The following HNF4A variants were observed in gnomAD, a reference collection of about 807,000 sequenced individuals.
HNF4A encodes hepatocyte nuclear factor 4 alpha.
A neutral mutation model predicts 52.4 loss-of-function variants in HNF4A; 15 were observed. The observed-to-expected ratio is 0.29, with a 90% confidence interval of 0.19 to 0.44. The LOEUF (loss-of-function observed/expected upper bound fraction) is 0.44, where lower values mean the gene tolerates loss of function less well. Ranked by LOEUF, HNF4A falls within the 20% of genes least tolerant of loss-of-function variation. The pLI, the probability that HNF4A is intolerant of heterozygous loss-of-function variation, is 1.00. For missense variants in HNF4A, 479 were observed against 647.2 expected (o/e 0.74, Z 2.82); for synonymous variants, 280 against 264.4 (o/e 1.06, Z -0.57).
chr20:44,424,747 G>A (rs2063796185), intron 8 of HNF4A: 2 of 407,632 alleles, frequency 4.9e-6, no homozygotes, highest in Non-Finnish European at 8.1e-6. Context: ...GGAAATGGAA[G>A]GCTTAAAAGA....
rs1349603952 is a variant in HNF4A, at chr20:44,428,418, GCCAACACAATGC to G, written c.1217_1228del (p.Asn406_Pro409del). ...ACATATGGGAACCAACGTCATCGTT[GCCAACACAATGC>G]CCACTCACCTCAGCAACGGACAGAT... On this transcript the variant is annotated inframe_deletion, in exon 9 of 10. Transcript: ENST00000316099. 7 of 1,614,184 alleles carry G rather than the reference GCCAACACAATGC, an allele frequency of 4.3e-6. No individual in the cohort carries two copies. The highest frequency in any genetic ancestry group is 5.9e-6 in the Non-Finnish European group (7 of 1,180,012).
At chr20:44,418,329 G>T in intron 5 of HNF4A, 96 bp from the exon 6 acceptor site, 1 of 904,620 alleles carries the variant, frequency 1.1e-6, no homozygotes. Flanking sequence ...AGAGGCAGAG[G>T]GGAGCATTAA....
At position 44,406,203 on chromosome 20, in the gene HNF4A, C is replaced by T. The variant is rs1008906897; in HGVS notation, c.261C>T (p.Ser87=). 15 of 1,613,680 alleles carry T rather than the reference C, an allele frequency of 9.3e-6. No individual in the cohort carries two copies. Among genetic ancestry groups the T allele is most frequent in the Admixed American group, 1.7e-5 (1 of 60,014 alleles). Reference sequence around the variant, plus strand: ...GCTGCAAGGGCTTCTTCCGGAGGAGCGTGCGGAAGAACCACATGTACTCCT... The same window carrying T: ...GCTGCAAGGGCTTCTTCCGGAGGAGTGTGCGGAAGAACCACATGTACTCCT... Residue 87 remains serine (S), a synonymous_variant, in exon 2 of 10, where the codon AGC becomes AGT. Transcript: ENST00000316099.
intron 1 of HNF4A, among the ~76,000 whole-genome samples, chr20:44,382,249 T>TTTCTTTCTTTCTTTC (rs1568700527): frequency 6.7e-6 from 1 of 149,238 alleles, no homozygotes; most frequent in East Asian, 2.0e-4. Context: ...TTCTTTCTTT[T>TTTCTTTCTTTCTTTC]TTTTTTTTGA....
intron 1 of HNF4A, among the ~76,000 whole-genome samples, chr20:44,381,162 G>A (rs2063148314): frequency 6.6e-6 from 1 of 152,030 alleles, no homozygotes; most frequent in Non-Finnish European, 1.5e-5. Flanking sequence ...AGCTTTTCCT[G>A]TGGTAGAACA....
intron 1 of HNF4A, among the ~76,000 whole-genome samples, chr20:44,390,891 G>A (rs1024113699): frequency 2.6e-5 from 4 of 152,234 alleles, no homozygotes; most frequent in Non-Finnish European, 4.4e-5. Flanking sequence ...GAGGAGCCCC[G>A]TAGAGTATTA....
intron 8 of HNF4A, among the ~76,000 whole-genome samples, chr20:44,426,491 T>C (rs984892062): frequency 6.6e-6 from 1 of 152,036 alleles, no homozygotes; most frequent in African/African-American, 2.4e-5. Flanking sequence ...TCATGGAGTC[T>C]GGGCTGCACT....
At chr20:44,372,047 A>G (rs1350260827) in intron 1 of HNF4A, among the ~76,000 whole-genome samples, 1 of 152,148 alleles carries the variant, frequency 6.6e-6, no homozygotes, top group Non-Finnish European at 1.5e-5. Flanking sequence ...GGAACGTGTG[A>G]ACTTTGCTCA....
upstream of HNF4A, among the ~76,000 whole-genome samples, chr20:44,400,829 G>A (rs1210873510): frequency 2.0e-5 from 3 of 152,276 alleles, no homozygotes; most frequent in East Asian, 1.9e-4. Context: ...TTTCTAAATC[G>A]TGGGCCATGG....
At position 44,418,493 on chromosome 20, in the gene HNF4A, C is replaced by T. The variant is rs755998338; in HGVS notation, c.717C>T (p.Phe239=). 6.2e-7 allele frequency: 1 copy of T among 1,613,042 alleles called. No homozygotes were observed. Among genetic ancestry groups the T allele is most frequent in the South Asian group, 1.1e-5 (1 of 91,058 alleles). Reference sequence around the variant, plus strand: ...GAGCCACCAAGAGATCCATGGTGTTCAAGGACGTGCTGCTCCTAGGTGAGG... The same window carrying T: ...GAGCCACCAAGAGATCCATGGTGTTTAAGGACGTGCTGCTCCTAGGTGAGG... The change falls in exon 6 of 10, where the codon TTC becomes TTT. Residue 239 remains phenylalanine, a synonymous_variant. Transcript: ENST00000316099.
intron 1 of HNF4A, among the ~76,000 whole-genome samples, chr20:44,385,057 A>ATATTTTTTTTTTTT (rs1491454694): frequency 3.3e-5 from 1 of 29,922 alleles, no homozygotes; most frequent in African/African-American, 2.2e-4. Flanking sequence ...GAACTCTGTG[A>ATATTTTTTTTTTTT]TCTTTTTTTT....
At chr20:44,395,275 C>T (rs6031582) in intron 1 of HNF4A, among the ~76,000 whole-genome samples, 55 of 152,362 alleles carry the variant, frequency 3.6e-4, no homozygotes, top group African/African-American at 1.2e-3. Context: ...AGCTGCCACT[C>T]CCCTGACGGC....
chr20:44,364,616 C>T (rs918729767), intron 1 of HNF4A, among the ~76,000 whole-genome samples: 23 of 151,946 alleles, frequency 1.5e-4, no homozygotes, highest in Non-Finnish European at 2.1e-4. Context: ...ATTACAGGTG[C>T]CCACCACCGC....
At chr20:44,407,757 T>TTGTGTGTGTGTGTGTGTGTG (rs35406830) in intron 3 of HNF4A, among the ~76,000 whole-genome samples, 19 of 145,948 alleles carry the variant, frequency 1.3e-4, no homozygotes, top group African/African-American at 4.6e-4. Context: ...AGCAGCCACG[T>TTGTGTGTGTGTGTGTGTGTG]TGTGTGTGTG....
Position 44,355,873 on chromosome 20 carries a change from G to A in HNF4A, c.49+20G>A. 6.2e-7 allele frequency: 1 copy of A among 1,607,500 alleles called. No homozygotes were observed. Among genetic ancestry groups the A allele is most frequent in the Non-Finnish European group, 8.5e-7 (1 of 1,174,820 alleles). ...CTTACGGTAAGTGGGGCTGGGGGAA[G>A]ACTGGACAGGGCGGGACTGCGGTCA... On this transcript the variant is annotated intron_variant, in intron 1 of 9. Transcript: ENST00000316673.
intron 1 of HNF4A, chr20:44,390,529 C>A: frequency 1.5e-6 from 1 of 683,074 alleles, no homozygotes; most frequent in South Asian, 1.6e-5. Flanking sequence ...AAGGGATTAA[C>A]TCTGCCCAGC....
intron 6 of HNF4A, among the ~76,000 whole-genome samples, chr20:44,419,103 G>C (rs770123184): frequency 1.3e-5 from 2 of 152,110 alleles, no homozygotes; most frequent in Non-Finnish European, 2.9e-5. Context: ...GTTCTTTCTG[G>C]AGTAGGAGCA....
intron 5 of HNF4A, among the ~76,000 whole-genome samples, chr20:44,416,841 C>G (rs1319633204): frequency 6.6e-6 from 1 of 152,164 alleles, no homozygotes; most frequent in African/African-American, 2.4e-5. Context: ...CTCTGACCTC[C>G]CCATCTAACG....
chr20:44,396,097 T>C (rs1056293924), intron 1 of HNF4A, among the ~76,000 whole-genome samples: 1 of 152,174 alleles, frequency 6.6e-6, no homozygotes, highest in Admixed American at 6.5e-5. Context: ...GGAGTCATGA[T>C]GCAGGCAATG....
Sources: gnomAD v4.1 joint callset for allele counts (sites outside exome capture counted in the v4.1 genomes callset) on GRCh38, gnomAD v4.1.1 for gene constraint, MANE v1.5 for transcripts, NCBI Gene and HGNC (gene_info 2026-07-23, HGNC 2026-07-21) for gene names.